Variants in KCNQ2 observed in about 807,000 individuals in gnomAD.
The protein encoded by KCNQ2 is potassium voltage-gated channel subfamily Q member 2, also known as potassium voltage-gated channel subfamily KQT member 2.
KCNQ2 carries 14 observed loss-of-function variants against 84.8 expected under a neutral mutation model. The observed-to-expected ratio is 0.17, with a 90% CI of 0.11 to 0.26. The LOEUF (loss-of-function observed/expected upper bound fraction) is 0.26. Among genes scored for constraint, KCNQ2 ranks in the 10% least tolerant of loss-of-function variants. KCNQ2 has a pLI of 1.00. For synonymous variants in KCNQ2, 599 were observed against 554.1 expected (o/e 1.08, Z -1.14); for missense variants, 788 against 1,254.0 (o/e 0.63, Z 5.61).
chr20:63,445,414 G>T (rs1199457593), intron 2 of KCNQ2, 50 bp from the exon 3 acceptor site: 1 of 1,606,274 alleles, frequency 6.2e-7, no homozygotes, highest in East Asian at 2.2e-5. Flanking sequence ...GGAGGGCCTG[G>T]GGGCCCAGCC....
intron 5 of KCNQ2, 36 bp downstream of exon 5, chr20:63,442,370 G>C: frequency 6.2e-7 from 1 of 1,613,708 alleles, no homozygotes; most frequent in Non-Finnish European, 8.5e-7. Flanking sequence ...GGGTGTATCA[G>C]CAGGGAAAGG....
chr20:63,426,200 C>G (rs766883500), intron 10 of KCNQ2, among the ~76,000 whole-genome samples: 10 of 152,232 alleles, frequency 6.6e-5, no homozygotes, highest in Non-Finnish European at 1.5e-4. Context: ...GTATGAAACT[C>G]CCCAAAACCT....
chr20:63,461,573 G>A (rs769482637), intron 1 of KCNQ2, among the ~76,000 whole-genome samples: 9 of 152,262 alleles, frequency 5.9e-5, no homozygotes, highest in East Asian at 1.9e-4. Context: ...CCAGCACCCC[G>A]GGGGCCGGCC....
intron 1 of KCNQ2, among the ~76,000 whole-genome samples, chr20:63,455,924 C>T (rs1337341951): frequency 8.6e-6 from 1 of 116,398 alleles, no homozygotes; most frequent in Non-Finnish European, 1.7e-5. Flanking sequence ...CGGGAGGCCC[C>T]TCTGCTCACG....
rs41283012 is a variant in KCNQ2, at chr20:63,403,382, C to A, written c.*3262G>T. On this transcript the variant is annotated 3_prime_UTR_variant, in exon 17 of 17. Transcript: ENST00000359125. ...CAGAAGGGCTCCAAGGCTGGAAGTG[C>A]GAGGAGTGTGCATGCACGCGTGTGT... is the stretch of plus-strand genomic sequence containing the variant. 2 of 152,302 alleles carry A rather than the reference C, an allele frequency of 1.3e-5. No individual in the cohort carries two copies. Among genetic ancestry groups the A allele is most frequent in the African/African-American group, 4.8e-5 (2 of 41,436 alleles). The allele number at this position is 152,302 out of a possible 1,614,324, so 9.4% of individuals were successfully genotyped here.
rs141388396 is a variant in KCNQ2, at chr20:63,414,554, C to T, written c.1525+349G>A. On this transcript the variant is annotated intron_variant, in intron 13 of 16. Transcript: ENST00000359125. This position sits in a 1 kb window ranked among gnomAD's most constrained non-coding sequence, Gnocchi z 6.6. ...CAGACCCAACGGCCCCACGTGGGAG[C>T]CGCAGACACGCACGGCCCAAGAGCA... 6.6e-6 allele frequency among the ~76,000 whole-genome samples: 1 copy of T among 152,218 alleles called. No individual in the cohort carries two copies. Among genetic ancestry groups the T allele is most frequent in the East Asian group, 1.9e-4 (1 of 5,162 alleles).
chr20:63,455,748 A>C (rs1468151774), intron 1 of KCNQ2, among the ~76,000 whole-genome samples: 1 of 151,604 alleles, frequency 6.6e-6, no homozygotes, highest in Non-Finnish European at 1.5e-5. Context: ...TGAGATGCAA[A>C]AACTCCTCTA....
chr20:63,431,937 T>C (rs1372177676), intron 8 of KCNQ2, among the ~76,000 whole-genome samples: 228 of 69,214 alleles, frequency 3.3e-3, no homozygotes, highest in Admixed American at 0.014. Context: ...CAGGGAAGGC[T>C]CCACCCTCAG....
intron 1 of KCNQ2, among the ~76,000 whole-genome samples, chr20:63,452,729 T>G (rs1401390399): frequency 6.6e-6 from 1 of 152,122 alleles, no homozygotes; most frequent in African/African-American, 2.4e-5. Flanking sequence ...GCCAGGTCTC[T>G]CGCCGGCAGC....
At chr20:63,413,324 C>T (rs751716531) in intron 15 of KCNQ2, 126 bp downstream of exon 15, 10 of 1,081,120 alleles carry the variant, frequency 9.2e-6, no homozygotes, top group East Asian at 2.6e-5. Flanking sequence ...TGACAGAGGC[C>T]GACGTGGGTG....
At chr20:63,411,103 CTAAT>C in intron 15 of KCNQ2, 1 of 429,340 alleles carries the variant, frequency 2.3e-6, no homozygotes, top group Non-Finnish European at 4.7e-6. Context: ...ATCAAAAACA[CTAAT>C]TAGGATGCTG....
At chr20:63,409,700 A>G (rs999322510) in intron 15 of KCNQ2, among the ~76,000 whole-genome samples, 2 of 152,162 alleles carry the variant, frequency 1.3e-5, no homozygotes, top group Admixed American at 6.5e-5. Context: ...CGACGGGGCC[A>G]AGTCCTCACT....
At chr20:63,410,128 G>A (rs893351631) in intron 15 of KCNQ2, 15 of 197,630 alleles carry the variant, frequency 7.6e-5, no homozygotes, top group African/African-American at 1.9e-4. Context: ...AGGGGACGGC[G>A]GGAGGGGACC....
At chr20:63,449,791 C>A (rs777474723) in intron 1 of KCNQ2, among the ~76,000 whole-genome samples, 22 of 151,186 alleles carry the variant, frequency 1.5e-4, no homozygotes, top group Non-Finnish European at 3.1e-4. Context: ...CTTTTGGCCG[C>A]GGAGGCAGAA....
Position 63,460,631 on chromosome 20 carries a change from G to T in KCNQ2, c.296+11537C>A, listed in dbSNP as rs1040133709. Among the ~76,000 whole-genome samples, 5 of 152,160 alleles carry T rather than the reference G, an allele frequency of 3.3e-5. No homozygotes were observed. Among genetic ancestry groups the T allele is most frequent in the Admixed American group, 3.3e-4 (5 of 15,290 alleles). On this transcript the variant is annotated intron_variant, in intron 1 of 16. Transcript: ENST00000359125. The surrounding 1 kb of genome is among the most constrained non-coding windows in gnomAD (Gnocchi z 5.4). ...GGGCTCACCCCACAGAAAGAATCTC[G>T]TTCCAACACAAGCCCCTCCTGGGCC...
chr20:63,408,162 C>T lies in KCNQ2; in HGVS notation c.1887+251G>A. ...GAGGGATCCACCTCTCAGCAGCCCC[C>T]ACCCAGGACTCCTGGGGACTTTGGC... On this transcript the variant is annotated intron_variant, in intron 16 of 16. Coordinates refer to ENST00000359125, the MANE Select transcript of KCNQ2 (RefSeq NM_172107.4). The surrounding 1 kb of genome is among the most constrained non-coding windows in gnomAD (Gnocchi z 5.0). The T allele has an allele frequency of 1.9e-6, 1 of 527,138 alleles. No individual in the cohort carries two copies. Among genetic ancestry groups the T allele is most frequent in the Non-Finnish European group, 3.4e-6 (1 of 290,342 alleles). 32.7% of individuals were successfully genotyped at this position (527,138 alleles called of 1,614,324 possible). A position where few individuals can be genotyped will look rare whatever the true frequency, so the allele number is the denominator to read the frequency against.
rs777257591 is a variant in KCNQ2, at chr20:63,442,447, C to T, written c.775G>A (p.Asp259Asn). The change falls in exon 5 of 17, where the codon GAC becomes AAC. Residue 259 changes from aspartate (D) to asparagine (N), a missense_variant. Physicochemically the swap from Asp to Asn is conservative, Grantham distance 23. Around this residue, in one of 8 missense-constraint regions of KCNQ2, gnomAD observed 18 missense variants for 166.0 expected, o/e 0.11. Transcript: ENST00000359125. ...GCATCCGCGTAGGTGTCAAAGTGGT[C>T]GTTCTCCCCCTTCTCTGCCAAGTAC... ...LVYLAEKGEN[D>N]HFDTYADALW... is the part of the protein sequence containing the mutation. 1 of 1,613,706 alleles carries T rather than the reference C, an allele frequency of 6.2e-7. No homozygotes were observed.
rs1429392006 is a variant in KCNQ2, at chr20:63,408,598, T to C, written c.1764-62A>G. 1.3e-6 allele frequency: 2 copies of C among 1,589,494 alleles called. No individual in the cohort carries two copies. The highest frequency in any genetic ancestry group is 1.7e-6 in the Non-Finnish European group (2 of 1,171,264). On this transcript the variant is annotated intron_variant, in intron 15 of 16. Transcript: ENST00000359125. The surrounding 1 kb of genome is among the most constrained non-coding windows in gnomAD (Gnocchi z 5.0). The stretch of plus-strand genomic sequence containing the variant: ...TGGGTGCAGCAGGGCCCCTGCCCTC[T>C]CCTCCTGGACCAGGCCACAGTGCCC...
chr20:63,424,404 C>G, intron 10 of KCNQ2, 198 bp from the exon 11 acceptor site: 2 of 617,992 alleles, frequency 3.2e-6, no homozygotes, highest in South Asian at 4.0e-5. Flanking sequence ...CCAGGGCCCA[C>G]GGAGGCAGCT....
Sources: gnomAD v4.1 joint callset for allele counts (sites outside exome capture counted in the v4.1 genomes callset) on GRCh38, gnomAD v4.1.1 for gene constraint, gnomAD v4.1.1 regional missense constraint, Gnocchi (gnomAD v3.1) non-coding constraint, MANE v1.5 for transcripts, NCBI Gene and HGNC (gene_info 2026-07-23, HGNC 2026-07-21) for gene names.